The following RHBDL1 variants were observed in gnomAD, a reference collection of about 807,000 sequenced individuals.
RHBDL1 encodes the protein rhomboid like 1.
In RHBDL1, 21 loss-of-function variants were observed where a neutral mutation model predicts 34.0. The observed-to-expected ratio is 0.62, with a 90% confidence interval of 0.44 to 0.89. The LOEUF (loss-of-function observed/expected upper bound fraction) is 0.89. Among genes scored for constraint, RHBDL1 ranks in the 40% least tolerant of loss-of-function variants. The pLI is 0.00. For synonymous variants in RHBDL1, 268 were observed against 234.8 expected, an observed-to-expected ratio of 1.14 and a Z score of -1.29; for missense variants, 450 against 530.6, an observed-to-expected ratio of 0.85 and a Z score of 1.49.
At position 675,838 on chromosome 16, in the gene RHBDL1, G is replaced by T. The variant is rs1347052561; in HGVS notation, c.39+9G>T. On this transcript the variant is annotated intron_variant, in intron 1 of 7. Coordinates refer to ENST00000352681, the MANE Select transcript of RHBDL1 (RefSeq NM_001278720.2). ...AGCTCATCCAGGAGCAGGTGCGTCG[G>T]GGGGTGGTCTGGGGAGCTGGCACCG... 3.3e-6 allele frequency: 5 copies of T among 1,515,976 alleles called. No homozygotes were observed. Among genetic ancestry groups the T allele is most frequent in the African/African-American group, 1.4e-5 (1 of 71,270 alleles). 93.9% of individuals were successfully genotyped at this position (1,515,976 alleles called of 1,614,324 possible). A position where few individuals can be genotyped will look rare whatever the true frequency, so the allele number is the denominator to read the frequency against.
chr16:677,039 C>T lies in RHBDL1; in HGVS notation c.495C>T (p.Tyr165=), dbSNP rs201231188. 5.1e-4 allele frequency: 819 copies of T among 1,612,932 alleles called. 16 individuals carry two copies. In the South Asian group the frequency reaches 6.9e-3, roughly 14 times the overall value. Residue 165 remains tyrosine, a synonymous_variant, in exon 4 of 8, where the codon TAC becomes TAT. Transcript: ENST00000352681. The stretch of plus-strand genomic sequence containing the variant: ...TGCTGCAGACCTACCACCCCGAGTA[C>T]ATGAAGAGCCCCCTTGTGTACCACC... The part of the protein sequence containing the change: ...KWVLQTYHPE[Y]MKSPLVYHPG...
At chr16:677,722 G>T in intron 7 of RHBDL1, 23 bp downstream of exon 7, 2 of 1,524,670 alleles carry the variant, frequency 1.3e-6, no homozygotes, top group Non-Finnish European at 1.8e-6. Flanking sequence ...CGGGGGGAGG[G>T]CCGGGGGGCC....
chr16:676,887 T>C lies in RHBDL1; in HGVS notation c.417T>C (p.Thr139=). 4 of 1,611,676 alleles carry C rather than the reference T, an allele frequency of 2.5e-6. No homozygotes were observed. The highest frequency in any genetic ancestry group is 3.4e-6 in the Non-Finnish European group (4 of 1,179,528). The part of the protein sequence containing the change: ...CPPPVFMASV[T]LAQIIVFLCY... ...CCCCCGTGTTCATGGCCTCGGTCAC[T>C]CTTGCCCAGGTGGGCCCCCCGGCCG... Residue 139 remains threonine, a synonymous_variant, in exon 3 of 8, where the codon ACT becomes ACC. Coordinates refer to ENST00000352681, the MANE Select transcript of RHBDL1 (RefSeq NM_001278720.2). The surrounding 1 kb of genome is among the most constrained non-coding windows in gnomAD (Gnocchi z 6.9).
rs1596544548 is a variant in RHBDL1 at position 677,051 on chromosome 16, C to T, written c.507C>T (p.Pro169=). ...ACCACCCCGAGTACATGAAGAGCCC[C>T]CTTGTGTACCACCCCGGGCACCGTG... ...QTYHPEYMKS[P]LVYHPGHRAR... is the part of the protein sequence containing the mutation. Residue 169 remains proline, a synonymous_variant, in exon 4 of 8, where the codon CCC becomes CCT. Transcript: ENST00000352681. The T allele has an allele frequency of 6.2e-7, 1 of 1,612,956 alleles. No homozygotes were observed. Among genetic ancestry groups the T allele is most frequent in the Non-Finnish European group, 8.5e-7 (1 of 1,179,956 alleles).
rs1184148027 is a variant in RHBDL1, at chr16:676,144, G to A, written c.40-192G>A. On this transcript the variant is annotated intron_variant, in intron 1 of 7. Coordinates refer to ENST00000352681, the MANE Select transcript of RHBDL1 (RefSeq NM_001278720.2). This position sits in a 1 kb window ranked among gnomAD's most constrained non-coding sequence, Gnocchi z 6.9. ...CGGGGGAACAACTGAGGAGCTGGAG[G>A]ACTGGGACCCAGGCACCAGTGCCCT... The A allele has an allele frequency of 6.8e-7, 1 of 1,469,704 alleles. No homozygotes were observed. The highest frequency in any genetic ancestry group is 9.0e-7 in the Non-Finnish European group (1 of 1,106,820). The allele number at this position is 1,469,704 out of a possible 1,614,324, so 91.0% of individuals were successfully genotyped here.
chr16:678,100 G>C lies in RHBDL1; in HGVS notation c.*48G>C. 6.7e-7 allele frequency: 1 copy of C among 1,490,388 alleles called. No homozygotes were observed. The highest frequency in any genetic ancestry group is 1.3e-5 in the South Asian group (1 of 74,624). The allele number at this position is 1,490,388 out of a possible 1,614,324, so 92.3% of individuals were successfully genotyped here. ...GCCAGGGCTCGGGCATGTGGTGGCC[G>C]CCCACCAGGGGCCTTCACGTCTGCC... is the stretch of plus-strand genomic sequence containing the variant. On this transcript the variant is annotated 3_prime_UTR_variant, in exon 8 of 8. Coordinates refer to ENST00000352681, the MANE Select transcript of RHBDL1 (RefSeq NM_001278720.2).
At position 677,311 on chromosome 16, in the gene RHBDL1, T is replaced by C; in HGVS notation, c.611T>C (p.Leu204Pro). 1 of 1,572,314 alleles carries C rather than the reference T, an allele frequency of 6.4e-7. No individual in the cohort carries two copies. Reference sequence around the variant, plus strand: ...CTGGGGTTCAACGCCCTCCTGCAGCTGATGATCGGGGTGCCCCTGGAGATG... The same window carrying C: ...CTGGGGTTCAACGCCCTCCTGCAGCCGATGATCGGGGTGCCCCTGGAGATG... Reference protein sequence around the residue: ...EQLGFNALLQLMIGVPLEMVH... With the variant: ...EQLGFNALLQPMIGVPLEMVH... Residue 204 changes from leucine to proline, a missense_variant, in exon 5 of 8, where the codon CTG becomes CCG. Physicochemically the swap from Leu to Pro is moderately conservative, Grantham distance 98. Transcript: ENST00000352681.
chr16:675,918 C>G, intron 1 of RHBDL1, 89 bp downstream of exon 1: 1 of 1,424,992 alleles, frequency 7.0e-7, no homozygotes, highest in Non-Finnish European at 9.3e-7. Context: ...CCGAGCTCCC[C>G]GAAAGCCCCG....
chr16:676,778 G>A lies in RHBDL1; in HGVS notation c.308G>A (p.Arg103Gln), dbSNP rs200148049. The A allele has an allele frequency of 1.1e-5, 18 of 1,611,210 alleles. No homozygotes were observed. Among genetic ancestry groups the A allele is most frequent in the African/African-American group, 5.4e-5 (4 of 74,446 alleles). ...LDEPGLGVYK[R>Q]FVRYVAYEIL... The stretch of plus-strand genomic sequence containing the variant: ...GAGCCAGGCCTAGGTGTCTACAAGC[G>A]GTTTGTGCGTTACGTGGCCTACGAG... The change falls in exon 3 of 8, where the codon CGG becomes CAG. Residue 103 changes from arginine (R) to glutamine (Q), a missense_variant. Physicochemically the swap from Arg to Gln is conservative, Grantham distance 43. Coordinates refer to ENST00000352681, the MANE Select transcript of RHBDL1 (RefSeq NM_001278720.2). The surrounding 1 kb of genome is among the most constrained non-coding windows in gnomAD (Gnocchi z 6.9).
chr16:677,366 C>T lies in RHBDL1; in HGVS notation c.666C>T (p.Leu222=). The change falls in exon 5 of 8, where the codon CTC becomes CTT. Residue 222 remains leucine, a synonymous_variant. Coordinates refer to ENST00000352681, the MANE Select transcript of RHBDL1 (RefSeq NM_001278720.2). ...MVHGLLRISL[L]YLAGVLAGSL... ...ACGGCCTGCTCCGCATCAGCCTGCT[C>T]TACCTGGCAGGCGTGCTGGCAGGTG... 6.3e-7 allele frequency: 1 copy of T among 1,574,962 alleles called. No homozygotes were observed. The highest frequency in any genetic ancestry group is 8.6e-7 in the Non-Finnish European group (1 of 1,160,980).
chr16:677,088 C>G lies in RHBDL1; in HGVS notation c.544C>G (p.Arg182Gly). The change falls in exon 4 of 8, where the codon CGC (arginine) becomes GGC (glycine). Residue 182 changes from arginine (R) to glycine (G), a missense_variant. Transcript: ENST00000352681. Reference sequence around the variant, plus strand: ...CCCCGGGCACCGTGCCCGCGCCTGGCGCTTCCTCACCTACATGTTCATGCA... The same window carrying G: ...CCCCGGGCACCGTGCCCGCGCCTGGGGCTTCCTCACCTACATGTTCATGCA... Reference protein sequence around the residue: ...YHPGHRARAWRFLTYMFMHVG... With the variant: ...YHPGHRARAWGFLTYMFMHVG... The G allele has an allele frequency of 6.2e-7, 1 of 1,612,724 alleles. No individual in the cohort carries two copies. The highest frequency in any genetic ancestry group is 8.5e-7 in the Non-Finnish European group (1 of 1,179,852).
At position 677,457 on chromosome 16, in the gene RHBDL1, A is replaced by G. The variant is rs1185504287; in HGVS notation, c.689-2A>G. On this transcript the variant is annotated splice_acceptor_variant, in intron 5 of 7. Coordinates refer to ENST00000352681, the MANE Select transcript of RHBDL1 (RefSeq NM_001278720.2). LOFTEE classifies it high-confidence loss of function. Reference sequence around the variant, plus strand: ...ACCCTCACCCGCCGCTTGCTCACACAGGCTCCCTAACCGTCTCCATCACCG... The same window carrying G: ...ACCCTCACCCGCCGCTTGCTCACACGGGCTCCCTAACCGTCTCCATCACCG... 6.2e-7 allele frequency: 1 copy of G among 1,604,486 alleles called. No homozygotes were observed. Among genetic ancestry groups the G allele is most frequent in the Non-Finnish European group, 8.5e-7 (1 of 1,178,430 alleles).
At position 676,081 on chromosome 16, in the gene RHBDL1, C is replaced by T. The variant is rs2039533859; in HGVS notation, c.39+252C>T. On this transcript the variant is annotated intron_variant, in intron 1 of 7. Transcript: ENST00000352681. The surrounding 1 kb of genome is among the most constrained non-coding windows in gnomAD (Gnocchi z 6.9). ...GGGCGGGCAGCTGGCTGGTCTTGGA[C>T]CTTGGCCCTCGCTTTCCAGGATGGG... 5 of 1,443,518 alleles carry T rather than the reference C, an allele frequency of 3.5e-6. No homozygotes were observed. In the South Asian group the frequency reaches 4.4e-5, roughly 13 times the overall value. The allele number at this position is 1,443,518 out of a possible 1,614,324, so 89.4% of individuals were successfully genotyped here.
Position 676,018 on chromosome 16 carries a change from AAGGGAGAGTCGGGGGG to A in RHBDL1, c.39+196_39+211del. 1 of 1,235,488 alleles carries A rather than the reference AAGGGAGAGTCGGGGGG, an allele frequency of 8.1e-7. No individual in the cohort carries two copies. Among genetic ancestry groups the A allele is most frequent in the Non-Finnish European group, 1.0e-6 (1 of 959,362 alleles). 76.5% of individuals were successfully genotyped at this position (1,235,488 alleles called of 1,614,324 possible). On this transcript the variant is annotated intron_variant, in intron 1 of 7. Coordinates refer to ENST00000352681, the MANE Select transcript of RHBDL1 (RefSeq NM_001278720.2). This position sits in a 1 kb window ranked among gnomAD's most constrained non-coding sequence, Gnocchi z 6.9. ...ACTGGACCAGAGCTCCTGGCTGGAG[AAGGGAGAGTCGGGGGG>A]AGGGAGGGAGGGAGGGAGGGAGGGC...
At position 676,129 on chromosome 16, in the gene RHBDL1, A is replaced by G; in HGVS notation, c.40-207A>G. The G allele has an allele frequency of 6.8e-7, 1 of 1,460,556 alleles. No homozygotes were observed. The highest frequency in any genetic ancestry group is 9.1e-7 in the Non-Finnish European group (1 of 1,102,506). The allele number at this position is 1,460,556 out of a possible 1,614,324, so 90.5% of individuals were successfully genotyped here. On this transcript the variant is annotated intron_variant, in intron 1 of 7. Coordinates refer to ENST00000352681, the MANE Select transcript of RHBDL1 (RefSeq NM_001278720.2). This position sits in a 1 kb window ranked among gnomAD's most constrained non-coding sequence, Gnocchi z 6.9. ...GGGTAGGGTGGAAGACGGGGGAACA[A>G]CTGAGGAGCTGGAGGACTGGGACCC...
In RHBDL1 at chr16:676,196, C is replaced by G. The variant is rs2039539248; in HGVS notation, c.40-140C>G. ...CCAGCTCCTGGGATCAAGCAGGGTC[C>G]CAGGGAACAGACAGGCACGGGGCCC... On this transcript the variant is annotated intron_variant, in intron 1 of 7. Coordinates refer to ENST00000352681, the MANE Select transcript of RHBDL1 (RefSeq NM_001278720.2). The surrounding 1 kb of genome is among the most constrained non-coding windows in gnomAD (Gnocchi z 6.9). The G allele has an allele frequency of 3.3e-6, 5 of 1,523,836 alleles. No individual in the cohort carries two copies. Among genetic ancestry groups the G allele is most frequent in the Non-Finnish European group, 4.4e-6 (5 of 1,132,510 alleles). 94.4% of individuals were successfully genotyped at this position (1,523,836 alleles called of 1,614,324 possible).
At position 676,607 on chromosome 16, in the gene RHBDL1, G is replaced by A. The variant is rs915273711; in HGVS notation, c.202-65G>A. 1.9e-6 allele frequency: 3 copies of A among 1,589,296 alleles called. No individual in the cohort carries two copies. In the African/African-American group the frequency reaches 4.0e-5, roughly 21 times the overall value. ...GGGGCTTGTGGATGCGGGGAGCTGG[G>A]TGAGCCTCACAGGCAGGGGTGCCAT... is the stretch of plus-strand genomic sequence containing the variant. On this transcript the variant is annotated intron_variant, in intron 2 of 7. Coordinates refer to ENST00000352681, the MANE Select transcript of RHBDL1 (RefSeq NM_001278720.2). This position sits in a 1 kb window ranked among gnomAD's most constrained non-coding sequence, Gnocchi z 6.9.
rs1247064965 is a variant in RHBDL1 at position 677,665 on chromosome 16, C to A, written c.816C>A (p.Tyr272Ter). The part of the protein sequence containing the change: ...VMNWAGMRCP[Y>*]KLLRMVLALV... ...ACTGGGCTGGGATGAGATGTCCCTACAAGTTGCTGAGGATGGTGCTGGCCT... is the reference window on the plus strand; with the variant it reads ...ACTGGGCTGGGATGAGATGTCCCTAAAAGTTGCTGAGGATGGTGCTGGCCT... Residue 272 changes from tyrosine to a stop codon, truncating the protein, a stop_gained, in exon 7 of 8, where the codon TAC becomes TAA. Coordinates refer to ENST00000352681, the MANE Select transcript of RHBDL1 (RefSeq NM_001278720.2). LOFTEE classifies it low-confidence loss of function (END_TRUNC). 2 of 1,561,832 alleles carry A rather than the reference C, an allele frequency of 1.3e-6. No homozygotes were observed. Among genetic ancestry groups the A allele is most frequent in the Non-Finnish European group, 1.7e-6 (2 of 1,151,424 alleles).
In RHBDL1 at chr16:677,916, G is replaced by C. The variant is rs2039580266; in HGVS notation, c.986G>C (p.Ser329Thr). ...GVSMGLTILR[S>T]YEERLRDQCG... ...AGCATGGGCCTGACCATCCTGCGGA[G>C]CTACGAGGAGCGCCTGCGGGACCAG... Residue 329 changes from serine (S) to threonine (T), a missense_variant, in exon 8 of 8, where the codon AGC (serine) becomes ACC (threonine). Transcript: ENST00000352681. 6.2e-7 allele frequency: 1 copy of C among 1,603,122 alleles called. No homozygotes were observed. The highest frequency in any genetic ancestry group is 8.5e-7 in the Non-Finnish European group (1 of 1,179,282).
Sources: allele counts gnomAD v4.1 joint callset, GRCh38; gene constraint gnomAD v4.1.1; non-coding constraint Gnocchi (gnomAD v3.1); transcripts MANE v1.5; gene names NCBI Gene and HGNC (gene_info 2026-07-23, HGNC 2026-07-21).